Variants in CTNNA3 observed in about 807,000 individuals in gnomAD.
CTNNA3 encodes catenin alpha-3.
In CTNNA3, 76 loss-of-function variants were observed where a neutral mutation model predicts 95.7. The ratio of observed to expected loss-of-function variants is 0.79; its 90% CI spans 0.66 to 0.96. The LOEUF (loss-of-function observed/expected upper bound fraction) is 0.96, where lower values mean the gene tolerates loss of function less well. CTNNA3 is among the 40% of genes least tolerant of loss of function. The probability of loss-of-function intolerance (pLI) is 0.00; values close to 1 mark genes in which losing one functional copy is unlikely to be tolerated. For synonymous variants in CTNNA3, 431 were observed against 374.4 expected (o/e 1.15, Z -1.74); for missense variants, 1,191 against 1,089.8 (o/e 1.09, Z -1.31).
chr10:66,143,320 A>G (rs2083711818), intron 13 of CTNNA3, among the ~76,000 whole-genome samples: 1 of 152,134 alleles, frequency 6.6e-6, no homozygotes, highest in East Asian at 1.9e-4. Flanking sequence ...TATAAAATTA[A>G]AATCAGGTTT....
At chr10:67,479,641 A>T (rs1217354076) in intron 5 of CTNNA3, among the ~76,000 whole-genome samples, 1 of 152,180 alleles carries the variant, frequency 6.6e-6, no homozygotes, top group African/African-American at 2.4e-5. Context: ...ATTTAGAGAG[A>T]TCTTAAATTA....
chr10:67,463,407 C>T (rs746630814), intron 5 of CTNNA3, among the ~76,000 whole-genome samples: 2 of 152,100 alleles, frequency 1.3e-5, no homozygotes, highest in East Asian at 3.9e-4. Flanking sequence ...AGACCCTACA[C>T]CCAAAGACCA....
chr10:67,645,240 G>C (rs746848364), intron 2 of CTNNA3, among the ~76,000 whole-genome samples: 116 of 152,036 alleles, frequency 7.6e-4, no homozygotes, highest in Non-Finnish European at 9.4e-4. Flanking sequence ...CCTTTAATGT[G>C]AATTTACTTA....
At chr10:67,495,164 C>G (rs1047509731) in intron 5 of CTNNA3, among the ~76,000 whole-genome samples, 3 of 152,010 alleles carry the variant, frequency 2.0e-5, no homozygotes, top group Non-Finnish European at 4.4e-5. Flanking sequence ...AGTGCTGTAC[C>G]CACACACACC....
At chr10:66,507,272 AT>A (rs1041405801) in intron 11 of CTNNA3, among the ~76,000 whole-genome samples, 26 of 152,176 alleles carry the variant, frequency 1.7e-4, no homozygotes, top group African/African-American at 6.0e-4. Flanking sequence ...CAAGTGACAG[AT>A]ACATGTATAC....
intron 9 of CTNNA3, among the ~76,000 whole-genome samples, chr10:66,647,875 AT>A (rs1378827635): frequency 1.3e-5 from 2 of 152,102 alleles, no homozygotes; most frequent in African/African-American, 2.4e-5. Context: ...AGCATATGCT[AT>A]CAAAAAAGAA....
At chr10:66,040,727 G>A (rs1374939094) in intron 15 of CTNNA3, among the ~76,000 whole-genome samples, 1 of 152,206 alleles carries the variant, frequency 6.6e-6, no homozygotes, top group East Asian at 1.9e-4. Context: ...GCCTACTGGA[G>A]GGTGGAGGTT....
chr10:67,476,943 G>T (rs1319608140), intron 5 of CTNNA3, among the ~76,000 whole-genome samples: 1 of 151,790 alleles, frequency 6.6e-6, no homozygotes, highest in African/African-American at 2.4e-5. Flanking sequence ...AGCATCCTGA[G>T]CCGCCTCAGC....
intron 10 of CTNNA3, among the ~76,000 whole-genome samples, chr10:66,601,270 G>C (rs899549103): frequency 1.2e-4 from 18 of 151,626 alleles, no homozygotes; most frequent in Non-Finnish European, 1.9e-4. Context: ...AGCAGAAATT[G>C]AGAAATTGAA....
chr10:66,500,399 C>T (rs1314013983), intron 11 of CTNNA3, among the ~76,000 whole-genome samples: 8 of 151,932 alleles, frequency 5.3e-5, no homozygotes, highest in Non-Finnish European at 1.2e-4. Context: ...TTTAATTATT[C>T]CATGGTAGTT....
intron 5 of CTNNA3, among the ~76,000 whole-genome samples, chr10:67,309,019 G>A (rs2620908): frequency 0.3 from 45,939 of 152,010 alleles, 11,389 homozygotes; most frequent in African/African-American, 0.68. Flanking sequence ...AATTGTGACT[G>A]CTGAGAGGAT....
chr10:66,203,829 A>T (rs75064987), intron 13 of CTNNA3, among the ~76,000 whole-genome samples: 5,020 of 152,178 alleles, frequency 0.033, 131 homozygotes, highest in Middle Eastern at 0.048. Flanking sequence ...TTATTTGCTA[A>T]CTCTATCTTC....
At chr10:66,868,750 C>CA (rs34594360) in intron 7 of CTNNA3, among the ~76,000 whole-genome samples, 3,478 of 130,424 alleles carry the variant, frequency 0.027, 77 homozygotes, top group Non-Finnish European at 0.03. Context: ...GACTCCGTCT[C>CA]AAAAAAAAAA....
At chr10:66,684,047 G>A (rs1172491911) in intron 9 of CTNNA3, among the ~76,000 whole-genome samples, 4 of 152,206 alleles carry the variant, frequency 2.6e-5, no homozygotes, top group Admixed American at 2.6e-4. Flanking sequence ...CCTAAAAGTA[G>A]GTGTGTCAAT....
At chr10:67,076,661 T>C (rs1377916627) in intron 7 of CTNNA3, among the ~76,000 whole-genome samples, 1 of 152,122 alleles carries the variant, frequency 6.6e-6, no homozygotes, top group African/African-American at 2.4e-5. Flanking sequence ...GGCATGAAAA[T>C]AATATTGGAT....
At chr10:66,958,876 C>T (rs1004186619) in intron 7 of CTNNA3, among the ~76,000 whole-genome samples, 15 of 152,070 alleles carry the variant, frequency 9.9e-5, no homozygotes, top group African/African-American at 2.7e-4. Flanking sequence ...TTTCAAGATA[C>T]GTGATAAATG....
chr10:66,260,011 C>T (rs970539860), intron 13 of CTNNA3, among the ~76,000 whole-genome samples: 2 of 152,046 alleles, frequency 1.3e-5, no homozygotes, highest in Admixed American at 6.6e-5. Context: ...ATACATGCTT[C>T]GATATGCAGA....
intron 5 of CTNNA3, among the ~76,000 whole-genome samples, chr10:67,238,682 T>C (rs906905128): frequency 6.6e-6 from 1 of 152,118 alleles, no homozygotes; most frequent in East Asian, 1.9e-4. Context: ...TAAAAACATC[T>C]GTAAATCATG....
intron 7 of CTNNA3, among the ~76,000 whole-genome samples, chr10:67,115,273 A>G (rs990818764): frequency 6.6e-6 from 1 of 151,520 alleles, no homozygotes; most frequent in Non-Finnish European, 1.5e-5. Context: ...TAAAAATGAG[A>G]TAGACAGATT....
Sources: allele counts gnomAD v4.1 joint callset (sites outside exome capture counted in the v4.1 genomes callset), GRCh38; gene constraint gnomAD v4.1.1; transcripts MANE v1.5; gene names NCBI Gene and HGNC (gene_info 2026-07-23, HGNC 2026-07-21).